Variants in LTN1 observed in about 807,000 individuals in gnomAD.
LTN1 encodes the protein listerin E3 ubiquitin protein ligase 1, also known as E3 ubiquitin-protein ligase listerin.
Under a neutral mutation model 201.2 loss-of-function variants are expected in LTN1, and 88 were observed. That is an observed-to-expected ratio of 0.44 (90% confidence interval 0.37 to 0.52). LTN1 has a LOEUF of 0.52. Ranked by LOEUF, LTN1 falls within the 20% of genes least tolerant of loss-of-function variation. LTN1 has a pLI of 0.00. For synonymous variants in LTN1, 645 were observed against 713.5 expected (o/e 0.90, Z 1.53); for missense variants, 1,752 against 2,038.7 (o/e 0.86, Z 2.71).
In LTN1 at chr21:28,931,214, AG is replaced by A. The variant is rs1250823373; in HGVS notation, c.5178del (p.Tyr1727IlefsTer50). ...MICFSVIHGF[N>X]YSLPKKACRT... ...CTACAGGCTTTTTTGGGAAGGGAAT[AG>A]TTGAAACCGTGAATGACTGAGAAAC... On this transcript the variant is annotated frameshift_variant, in exon 29 of 30. Coordinates refer to ENST00000361371, the MANE Select transcript of LTN1 (RefSeq NM_015565.3). LOFTEE classifies it high-confidence loss of function. 1.2e-6 allele frequency: 2 copies of A among 1,613,636 alleles called. No homozygotes were observed. Among genetic ancestry groups the A allele is most frequent in the Admixed American group, 3.3e-5 (2 of 59,996 alleles).
chr21:28,954,579 G>C (rs1372428500), intron 16 of LTN1, among the ~76,000 whole-genome samples: 1 of 152,126 alleles, frequency 6.6e-6, no homozygotes, highest in Non-Finnish European at 1.5e-5. Context: ...TATAAAAACA[G>C]ACACACACAG....
chr21:28,969,373 AG>A, intron 9 of LTN1, 92 bp downstream of exon 9: 1 of 1,024,360 alleles, frequency 9.8e-7, no homozygotes, highest in Admixed American at 2.7e-5. Context: ...TTTACAAGGA[AG>A]GCTTATTACT....
rs368446363 is a variant in LTN1 at position 28,986,279 on chromosome 21, A to G, written c.247-42T>C. 85 of 1,097,210 alleles carry G rather than the reference A, an allele frequency of 7.7e-5. No homozygotes were observed. Among genetic ancestry groups the G allele is most frequent in the Non-Finnish European group, 1.1e-4 (78 of 720,910 alleles). 68.0% of individuals were successfully genotyped at this position (1,097,210 alleles called of 1,614,324 possible). On this transcript the variant is annotated intron_variant, in intron 2 of 29. Transcript: ENST00000361371. The surrounding 1 kb of genome is among the most constrained non-coding windows in gnomAD (Gnocchi z 4.1). Reference sequence around the variant, plus strand: ...AACATCATTAGGATTAACAACCATAATAACTGGCTATAGATTATTCTGTTC... The same window carrying G: ...AACATCATTAGGATTAACAACCATAGTAACTGGCTATAGATTATTCTGTTC...
chr21:28,940,518 A>C (rs532772835), intron 25 of LTN1, among the ~76,000 whole-genome samples: 1 of 152,324 alleles, frequency 6.6e-6, no homozygotes, highest in African/African-American at 2.4e-5. Context: ...GTAAATTTCC[A>C]ATGATGTATT....
rs1245236117 is a variant in LTN1 at position 28,986,270 on chromosome 21, A to C, written c.247-33T>G. 1 of 1,246,118 alleles carries C rather than the reference A, an allele frequency of 8.0e-7. No homozygotes were observed. Among genetic ancestry groups the C allele is most frequent in the Non-Finnish European group, 1.2e-6 (1 of 851,472 alleles). 77.2% of individuals were successfully genotyped at this position (1,246,118 alleles called of 1,614,324 possible). A position where few individuals can be genotyped will look rare whatever the true frequency, so the allele number is the denominator to read the frequency against. On this transcript the variant is annotated intron_variant, in intron 2 of 29. Coordinates refer to ENST00000361371, the MANE Select transcript of LTN1 (RefSeq NM_015565.3). The surrounding 1 kb of genome is among the most constrained non-coding windows in gnomAD (Gnocchi z 4.1). ...TAAGTTATTAACATCATTAGGATTA[A>C]CAACCATAATAACTGGCTATAGATT...
rs772166786 is a variant in LTN1, at chr21:28,958,339, T to C, written c.2747+47A>G. 4 of 1,543,766 alleles carry C rather than the reference T, an allele frequency of 2.6e-6. No individual in the cohort carries two copies. In the Admixed American group the frequency reaches 8.4e-5, roughly 32 times the overall value. On this transcript the variant is annotated intron_variant, in intron 14 of 29. Transcript: ENST00000361371. ...ATCATGGAATCTAATTTAAGGACACTGTTCAAGTATAAAAGAGACACTGAA... is the reference window on the plus strand; with the variant it reads ...ATCATGGAATCTAATTTAAGGACACCGTTCAAGTATAAAAGAGACACTGAA...
At chr21:28,938,645 T>C (rs2084274713) in intron 25 of LTN1, among the ~76,000 whole-genome samples, 1 of 151,896 alleles carries the variant, frequency 6.6e-6, no homozygotes, top group African/African-American at 2.4e-5. Context: ...TTATTTTCAA[T>C]AGCCAAAAAA....
intron 6 of LTN1, among the ~76,000 whole-genome samples, chr21:28,973,817 G>C (rs563303514): frequency 6.6e-6 from 1 of 152,296 alleles, no homozygotes; most frequent in South Asian, 2.1e-4. Flanking sequence ...GCATGGTATT[G>C]GGTGTAAGGA....
chr21:28,944,058 T>C (rs1289417866), intron 22 of LTN1, among the ~76,000 whole-genome samples, 154 bp from the exon 23 acceptor site: 2 of 152,220 alleles, frequency 1.3e-5, no homozygotes, highest in African/African-American at 2.4e-5. Context: ...ACTGAATATA[T>C]ATTCCAGTTA....
chr21:28,972,737 A>C (rs1393390592), intron 6 of LTN1, among the ~76,000 whole-genome samples: 1 of 152,230 alleles, frequency 6.6e-6, no homozygotes, highest in African/African-American at 2.4e-5. Flanking sequence ...GAGAAGAATG[A>C]GGAAGGAAAT....
At chr21:28,932,100 G>A (rs1201888092) in intron 28 of LTN1, among the ~76,000 whole-genome samples, 3 of 152,192 alleles carry the variant, frequency 2.0e-5, no homozygotes, top group Non-Finnish European at 4.4e-5. Context: ...AGGTCTTTGA[G>A]GGTCCTGGGA....
chr21:28,962,913 A>G (rs1419404163), intron 11 of LTN1, among the ~76,000 whole-genome samples: 2 of 152,248 alleles, frequency 1.3e-5, no homozygotes, highest in African/African-American at 2.4e-5. Context: ...GTCCAGACAG[A>G]AGATCAAACG....
intron 19 of LTN1, among the ~76,000 whole-genome samples, chr21:28,946,847 C>T (rs951327607): frequency 3.9e-5 from 6 of 152,088 alleles, no homozygotes; most frequent in African/African-American, 1.4e-4. Context: ...CAATCTGTAC[C>T]CTTGTATGTT....
At chr21:28,938,698 TAAAC>T (rs1049471600) in intron 25 of LTN1, among the ~76,000 whole-genome samples, 4 of 152,140 alleles carry the variant, frequency 2.6e-5, no homozygotes, top group South Asian at 4.1e-4. Context: ...AACAGATAGA[TAAAC>T]AAAATGTGAT....
intron 27 of LTN1, 49 bp downstream of exon 27, chr21:28,935,060 T>C (rs373620814): frequency 2.7e-5 from 31 of 1,130,348 alleles, no homozygotes; most frequent in Non-Finnish European, 3.9e-5. Context: ...ATGACAGACA[T>C]ACCCAATATT....
At chr21:28,974,448 G>C (rs1232450615) in intron 6 of LTN1, among the ~76,000 whole-genome samples, 1 of 152,166 alleles carries the variant, frequency 6.6e-6, no homozygotes, top group East Asian at 1.9e-4. Flanking sequence ...ACTACCTGAG[G>C]ACTCTGGAGA....
intron 10 of LTN1, 148 bp downstream of exon 10, chr21:28,966,221 GC>G (rs2084521008): frequency 1.5e-6 from 1 of 678,304 alleles, no homozygotes. Flanking sequence ...CTACCCAGCA[GC>G]CCTAGATACT....
intron 7 of LTN1, 25 bp from the exon 8 acceptor site, chr21:28,970,767 G>C: frequency 6.5e-7 from 1 of 1,539,194 alleles, no homozygotes; most frequent in Non-Finnish European, 8.9e-7. Flanking sequence ...GATTATAGTA[G>C]TAATTAGAGA....
At chr21:28,941,858 A>G (rs548701806) in intron 24 of LTN1, among the ~76,000 whole-genome samples, 5 of 152,344 alleles carry the variant, frequency 3.3e-5, no homozygotes, top group African/African-American at 1.2e-4. Context: ...AAATATCACA[A>G]TGATACTATT....
Sources: allele counts gnomAD v4.1 joint callset (sites outside exome capture counted in the v4.1 genomes callset), GRCh38; gene constraint gnomAD v4.1.1; non-coding constraint Gnocchi (gnomAD v3.1); transcripts MANE v1.5; gene names NCBI Gene and HGNC (gene_info 2026-07-23, HGNC 2026-07-21).